Variants in STARD9 observed in about 807,000 individuals in gnomAD.
STARD9 encodes StAR related lipid transfer domain containing 9, also known as stAR-related lipid transfer protein 9.
In STARD9, 346 loss-of-function variants were observed where a neutral mutation model predicts 399.8. That is an observed-to-expected ratio of 0.87 (90% confidence interval 0.79 to 0.95). The LOEUF is 0.95. Ranked by LOEUF, STARD9 falls within the 40% of genes least tolerant of loss-of-function variation. STARD9 has a pLI of 0.00. For synonymous variants in STARD9, 2,203 were observed against 2,143.5 expected (o/e 1.03, Z -0.77); for missense variants, 5,832 against 5,667.5 (o/e 1.03, Z -0.93).
chr15:42,593,530 A>G (rs1313385672), intron 3 of STARD9, among the ~76,000 whole-genome samples: 2 of 152,010 alleles, frequency 1.3e-5, no homozygotes. Flanking sequence ...TTTAGCTAAA[A>G]CACTTGTAGC....
chr15:42,695,052 A>G (rs1273672930), intron 24 of STARD9, 88 bp from the exon 25 acceptor site: 2 of 1,091,500 alleles, frequency 1.8e-6, no homozygotes, highest in Non-Finnish European at 1.3e-6. Context: ...TCTTTTAAGA[A>G]GGTGGTATCA....
intron 20 of STARD9, among the ~76,000 whole-genome samples, chr15:42,679,653 T>A (rs1455664009): frequency 6.6e-6 from 1 of 152,232 alleles, no homozygotes; most frequent in Non-Finnish European, 1.5e-5. Context: ...AAACATTTTC[T>A]GTAAAAGGCC....
chr15:42,575,776 G>A lies in STARD9; in HGVS notation c.47+14G>A. 6 of 1,536,890 alleles carry A rather than the reference G, an allele frequency of 3.9e-6. No homozygotes were observed. Among genetic ancestry groups the A allele is most frequent in the Non-Finnish European group, 5.2e-6 (6 of 1,146,714 alleles). The stretch of plus-strand genomic sequence containing the variant: ...GCTCAGCAAGAGGTGAGTCTCCGCG[G>A]GAGAGGGCGCCTGAGGCTTCACAGG... On this transcript the variant is annotated intron_variant, in intron 1 of 32. Transcript: ENST00000290607.
chr15:42,709,750 C>T (rs578183584), intron 26 of STARD9, among the ~76,000 whole-genome samples: 2 of 152,242 alleles, frequency 1.3e-5, no homozygotes, highest in East Asian at 3.9e-4. Flanking sequence ...AAACTTTCAT[C>T]CACTGATTTT....
In STARD9 at chr15:42,695,896, T is replaced by C. The variant is rs1385632506; in HGVS notation, c.13284+16T>C. 7 of 1,533,082 alleles carry C rather than the reference T, an allele frequency of 4.6e-6. No homozygotes were observed. The highest frequency in any genetic ancestry group is 2.4e-5 in the East Asian group (1 of 40,912). 95.0% of individuals were successfully genotyped at this position (1,533,082 alleles called of 1,614,324 possible). A position where few individuals can be genotyped will look rare whatever the true frequency, so the allele number is the denominator to read the frequency against. On this transcript the variant is annotated intron_variant, in intron 26 of 32. Coordinates refer to ENST00000290607, the MANE Select transcript of STARD9 (RefSeq NM_020759.3). ...AGAGAATATGGTGAGTAGGCAGATG[T>C]TGGGAATGAGCCAGGGGCCTGGACT...
chr15:42,674,702 A>G, intron 17 of STARD9, 125 bp from the exon 18 acceptor site: 1 of 1,385,758 alleles, frequency 7.2e-7, no homozygotes, highest in Non-Finnish European at 9.5e-7. Context: ...GTTTCAGGTC[A>G]GCTCTTCCTC....
intron 3 of STARD9, among the ~76,000 whole-genome samples, chr15:42,624,571 C>T (rs370132742): frequency 4.0e-5 from 6 of 149,138 alleles, no homozygotes; most frequent in African/African-American, 1.5e-4. Context: ...TTTTTTGAGA[C>T]AGAGTCTCCC....
At chr15:42,579,744 T>A (rs2058129711) in intron 1 of STARD9, among the ~76,000 whole-genome samples, 1 of 152,140 alleles carries the variant, frequency 6.6e-6, no homozygotes, top group Non-Finnish European at 1.5e-5. Flanking sequence ...AAGAACATTC[T>A]GAAAATCAAC....
chr15:42,666,360 A>C (rs1455590431), intron 15 of STARD9, among the ~76,000 whole-genome samples: 1 of 152,236 alleles, frequency 6.6e-6, no homozygotes, highest in African/African-American at 2.4e-5. Flanking sequence ...AAGGCAGAGA[A>C]CTGACCTTGA....
intron 3 of STARD9, among the ~76,000 whole-genome samples, chr15:42,623,080 C>G (rs913801092): frequency 2.0e-5 from 3 of 152,134 alleles, no homozygotes; most frequent in Non-Finnish European, 4.4e-5. Context: ...GGAGAATCCC[C>G]ACCTCTACTA....
At chr15:42,668,817 T>C (rs1471130298) in intron 15 of STARD9, among the ~76,000 whole-genome samples, 2 of 152,230 alleles carry the variant, frequency 1.3e-5, no homozygotes, top group Non-Finnish European at 2.9e-5. Flanking sequence ...ATTATAAACA[T>C]AGATGTCTAA....
chr15:42,674,136 T>G (rs556088850), intron 16 of STARD9, among the ~76,000 whole-genome samples: 1 of 152,354 alleles, frequency 6.6e-6, no homozygotes, highest in South Asian at 2.1e-4. Flanking sequence ...TTCCCTAACT[T>G]TAGGCTGTGG....
rs2058641018 is a variant in STARD9 at position 42,602,036 on chromosome 15, A to G, written c.234+16399A>G. 3.3e-5 allele frequency among the ~76,000 whole-genome samples: 5 copies of G among 152,282 alleles called. 2 individuals carry two copies. The South Asian group carries it at 1.0e-3, about 32-fold the overall frequency. Reference sequence around the variant, plus strand: ...TCGTTTTTATATTTTTAGTAGAGACAGTGTTTCACCATGTTGGCCAGGCTT... The same window carrying G: ...TCGTTTTTATATTTTTAGTAGAGACGGTGTTTCACCATGTTGGCCAGGCTT... On this transcript the variant is annotated intron_variant, in intron 3 of 32. Coordinates refer to ENST00000290607, the MANE Select transcript of STARD9 (RefSeq NM_020759.3).
At position 42,685,617 on chromosome 15, in the gene STARD9, C is replaced by T. The variant is rs1308096681; in HGVS notation, c.4039C>T (p.Pro1347Ser). 1.7e-5 allele frequency: 26 copies of T among 1,537,290 alleles called. No homozygotes were observed. Among genetic ancestry groups the T allele is most frequent in the Non-Finnish European group, 2.2e-5 (25 of 1,146,952 alleles). ...GTTTTCCTGTGACTCTAAGATCAAC[C>T]CCAGCAGCCCCCCAGGAATAGTGGG... ...SWFSCDSKINPSSPPGIVGSL... is the reference protein window; with the variant it reads ...SWFSCDSKINSSSPPGIVGSL... The change falls in exon 23 of 33, where the codon CCC (proline) becomes TCC (serine). Residue 1347 changes from proline (P) to serine (S), a missense_variant. By Grantham distance (74) the Pro-to-Ser change is moderately conservative (BLOSUM62 -1). Around this residue, in one of 2 missense-constraint regions of STARD9, gnomAD observed 5,828 missense variants for 5,651.1 expected, o/e 1.03. Transcript: ENST00000290607.
chr15:42,690,666 G>A lies in STARD9; in HGVS notation c.9088G>A (p.Val3030Ile). 23 of 1,537,234 alleles carry A rather than the reference G, an allele frequency of 1.5e-5. No individual in the cohort carries two copies. The highest frequency in any genetic ancestry group is 2.0e-5 in the Non-Finnish European group (23 of 1,146,910). The change falls in exon 23 of 33, where the codon GTT becomes ATT. Residue 3030 changes from valine (V) to isoleucine (I), a missense_variant. Around this residue, in one of 2 missense-constraint regions of STARD9, gnomAD observed 5,828 missense variants for 5,651.1 expected, o/e 1.03. Coordinates refer to ENST00000290607, the MANE Select transcript of STARD9 (RefSeq NM_020759.3). Reference sequence around the variant, plus strand: ...GACACATGGCCTTGAGCCCAAAGATGTTAACAGGGAATTTAGGCTAACAGA... The same window carrying A: ...GACACATGGCCTTGAGCCCAAAGATATTAACAGGGAATTTAGGCTAACAGA... ...HLTHGLEPKD[V>I]NREFRLTESS...
intron 3 of STARD9, among the ~76,000 whole-genome samples, chr15:42,597,905 A>G (rs1045280929): frequency 6.6e-6 from 1 of 151,350 alleles, no homozygotes; most frequent in Non-Finnish European, 1.5e-5. Context: ...TCCTGACCTC[A>G]GGTGATCTGC....
rs1441021030 is a variant in STARD9 at position 42,693,966 on chromosome 15, C to T, written c.12388C>T (p.His4130Tyr). ...GATGTGCATGGCCCCTGAGCACCAG[C>T]ACCACAGTCTGAGGGACCTCCCGGT... Reference protein sequence around the residue: ...CQMCMAPEHQHHSLRDLPVHN... With the variant: ...CQMCMAPEHQYHSLRDLPVHN... The change falls in exon 23 of 33, where the codon CAC becomes TAC. Residue 4130 changes from histidine (H) to tyrosine (Y), a missense_variant. Transcript: ENST00000290607. The T allele has an allele frequency of 1.3e-6, 2 of 1,505,718 alleles. No homozygotes were observed. The allele number at this position is 1,505,718 out of a possible 1,614,324, so 93.3% of individuals were successfully genotyped here.
At chr15:42,710,047 C>T (rs1004216976) in intron 26 of STARD9, among the ~76,000 whole-genome samples, 1 of 148,080 alleles carries the variant, frequency 6.8e-6, no homozygotes, top group African/African-American at 2.5e-5. Context: ...GTCCTTTTGA[C>T]ATGCCCTGTC....
intron 3 of STARD9, among the ~76,000 whole-genome samples, chr15:42,621,428 A>T (rs754129827): frequency 1.3e-5 from 2 of 152,220 alleles, no homozygotes; most frequent in African/African-American, 2.4e-5. Context: ...CAAATTTAAC[A>T]GAGCTTAATT....
Sources: allele counts gnomAD v4.1 joint callset (sites outside exome capture counted in the v4.1 genomes callset), GRCh38; gene constraint gnomAD v4.1.1; regional missense constraint gnomAD v4.1.1; transcripts MANE v1.5; gene names NCBI Gene and HGNC (gene_info 2026-07-23, HGNC 2026-07-21).